Variants in PRICKLE1 observed in about 807,000 individuals in gnomAD.
PRICKLE1 encodes the protein prickle-like protein 1.
In PRICKLE1, 14 loss-of-function variants were observed where a neutral mutation model predicts 70.2. That is an observed-to-expected ratio of 0.20 (90% CI 0.13 to 0.31). PRICKLE1 has a LOEUF of 0.31. Ranked by LOEUF, PRICKLE1 falls within the 10% of genes least tolerant of loss-of-function variation. PRICKLE1 has a pLI of 1.00. For missense variants in PRICKLE1, 821 were observed against 1,026.2 expected (o/e 0.80, Z 2.73); for synonymous variants, 357 against 379.9 (o/e 0.94, Z 0.70).
intron 6 of PRICKLE1, chr12:42,465,822 G>A (rs534641755): frequency 5.6e-6 from 2 of 356,934 alleles, no homozygotes; most frequent in Non-Finnish European, 5.3e-6. Context: ...CATCAACAAT[G>A]TACATTCAAT....
intron 1 of PRICKLE1, among the ~76,000 whole-genome samples, chr12:42,518,693 C>G (rs1293515976): frequency 2.0e-5 from 3 of 152,120 alleles, no homozygotes; most frequent in Non-Finnish European, 4.4e-5. Flanking sequence ...GAAATTTAAT[C>G]CCATTGTAAT....
chr12:42,558,125 T>G (rs1940443093), intron 1 of PRICKLE1, among the ~76,000 whole-genome samples: 1 of 152,212 alleles, frequency 6.6e-6, no homozygotes, highest in African/African-American at 2.4e-5. Flanking sequence ...GTTTCAATAT[T>G]GTTTAACCAC....
chr12:42,544,218 A>C (rs1360093449), intron 1 of PRICKLE1, among the ~76,000 whole-genome samples: 1 of 152,152 alleles, frequency 6.6e-6, no homozygotes, highest in African/African-American at 2.4e-5. Flanking sequence ...CTATTTACAA[A>C]TTTACGAGTG....
At chr12:42,549,132 A>G (rs893202758) in intron 1 of PRICKLE1, among the ~76,000 whole-genome samples, 1 of 133,306 alleles carries the variant, frequency 7.5e-6, no homozygotes, top group Non-Finnish European at 1.8e-5. Flanking sequence ...AAAAAAAAAA[A>G]AAAAAAAAAA....
intron 1 of PRICKLE1, among the ~76,000 whole-genome samples, chr12:42,569,161 A>C (rs75422269): frequency 6.6e-6 from 1 of 152,160 alleles, no homozygotes; most frequent in African/African-American, 2.4e-5. Context: ...TAGCTGTTAC[A>C]TCCTGAAACA....
chr12:42,466,249 A>G lies in PRICKLE1; in HGVS notation c.720T>C (p.Cys240=), dbSNP rs374695088. 6.8e-6 allele frequency: 11 copies of G among 1,614,116 alleles called. No homozygotes were observed. Among genetic ancestry groups the G allele is most frequent in the Middle Eastern group, 1.6e-4 (1 of 6,084 alleles). The stretch of plus-strand genomic sequence containing the variant: ...CCGCATAGAGAGACTCAAAACAGCC[A>G]CAGCAGAAGGGGCGGCCGTCCTTCA... ...YIMKDGRPFC[C]GCFESLYAEY... Residue 240 remains cysteine (C), a synonymous_variant, in exon 6 of 8, where the codon TGT becomes TGC. Transcript: ENST00000345127.
chr12:42,534,929 C>T (rs913190886), intron 1 of PRICKLE1, among the ~76,000 whole-genome samples: 1 of 152,186 alleles, frequency 6.6e-6, no homozygotes, highest in African/African-American at 2.4e-5. Context: ...TGGTTTTTGA[C>T]TTCCTGACAT....
In PRICKLE1 at chr12:42,457,400, T is replaced by TAA. The variant is rs892263269; in HGVS notation, c.*2407_*2408dup. ...AGCAACATATTGCAACAGTCTTTTC[T>TAA]AAAAGGATGCCCACTTGTGGCAGCA... On this transcript the variant is annotated 3_prime_UTR_variant, in exon 8 of 8. Coordinates refer to ENST00000345127, the MANE Select transcript of PRICKLE1 (RefSeq NM_153026.3). The TAA allele has an allele frequency of 1.7e-4, 26 of 152,342 alleles. No individual in the cohort carries two copies. The highest frequency in any genetic ancestry group is 6.0e-4 in the African/African-American group (25 of 41,584). The allele number at this position is 152,342 out of a possible 1,614,324, so 9.4% of individuals were successfully genotyped here. A position where few individuals can be genotyped will look rare whatever the true frequency, so the allele number is the denominator to read the frequency against.
chr12:42,497,031 C>G (rs1258149817), intron 1 of PRICKLE1, among the ~76,000 whole-genome samples: 1 of 152,216 alleles, frequency 6.6e-6, no homozygotes, highest in Non-Finnish European at 1.5e-5. Context: ...TTTGGCCTCT[C>G]TCAGCTTTTA....
chr12:42,468,724 G>C lies in PRICKLE1; in HGVS notation c.490C>G (p.Leu164Val), dbSNP rs746462801. The C allele has an allele frequency of 6.2e-7, 1 of 1,614,112 alleles. No individual in the cohort carries two copies. Among genetic ancestry groups the C allele is most frequent in the Non-Finnish European group, 8.5e-7 (1 of 1,180,028 alleles). Residue 164 changes from leucine to valine, a missense_variant, in exon 5 of 8, where the codon CTG becomes GTG. By Grantham distance (32) the Leu-to-Val change is conservative (BLOSUM62 1). Transcript: ENST00000345127. ...TAAAAATAGATGAGGTCGACCAGCA[G>C]CTCATTACACGTGAAACAGACAAAA... ...SCFVCFTCNE[L>V]LVDLIYFYQD...
intron 1 of PRICKLE1, among the ~76,000 whole-genome samples, chr12:42,476,789 G>A (rs1470885757): frequency 9.2e-5 from 14 of 151,500 alleles, no homozygotes; most frequent in African/African-American, 3.4e-4. Context: ...GTGGGACCAC[G>A]GGCATGTGCC....
At chr12:42,502,241 A>C (rs1175593660) in intron 1 of PRICKLE1, among the ~76,000 whole-genome samples, 1 of 150,622 alleles carries the variant, frequency 6.6e-6, no homozygotes, top group East Asian at 1.9e-4. Context: ...ATACCTCTAT[A>C]TATATACACA....
At chr12:42,494,884 G>A (rs1271219008) in intron 1 of PRICKLE1, among the ~76,000 whole-genome samples, 1 of 149,420 alleles carries the variant, frequency 6.7e-6, no homozygotes, top group East Asian at 2.0e-4. Flanking sequence ...CACATCTTCA[G>A]GTTTACTTTT....
chr12:42,459,294 A>G lies in PRICKLE1; in HGVS notation c.*515T>C. 1.4e-6 allele frequency: 1 copy of G among 702,240 alleles called. No homozygotes were observed. The highest frequency in any genetic ancestry group is 2.6e-6 in the Non-Finnish European group (1 of 384,930). 43.5% of individuals were successfully genotyped at this position (702,240 alleles called of 1,614,324 possible). A position where few individuals can be genotyped will look rare whatever the true frequency, so the allele number is the denominator to read the frequency against. The stretch of plus-strand genomic sequence containing the variant: ...AATCTGTAGCTGGCGCTGATACAAT[A>G]CAATGTTTACCTGGCCAAAGAGGGT... On this transcript the variant is annotated 3_prime_UTR_variant, in exon 8 of 8. Coordinates refer to ENST00000345127, the MANE Select transcript of PRICKLE1 (RefSeq NM_153026.3).
intron 1 of PRICKLE1, among the ~76,000 whole-genome samples, chr12:42,552,056 T>C (rs1940326085): frequency 9.4e-6 from 1 of 106,740 alleles, no homozygotes; most frequent in Non-Finnish European, 1.9e-5. Flanking sequence ...TTCAAGAAAG[T>C]TACTTTTTTT....
intron 1 of PRICKLE1, among the ~76,000 whole-genome samples, chr12:42,513,319 C>G (rs1395070891): frequency 6.6e-6 from 1 of 152,154 alleles, no homozygotes; most frequent in Non-Finnish European, 1.5e-5. Context: ...AATGCAAGCT[C>G]TACATAGGTA....
Position 42,472,412 on chromosome 12 carries a change from C to T in PRICKLE1, c.105G>A (p.Trp35Ter). The change falls in exon 2 of 8, where the codon TGG (tryptophan) becomes TGA (stop). Residue 35 changes from tryptophan (W) to a stop codon, truncating the protein, a stop_gained. Transcript: ENST00000345127. LOFTEE classifies it high-confidence loss of function. ...GCTCTGGTCTCAGGCCCGGGGGGAC[C>T]CAGGCGTACTCCTCCAATGCACAGC... ...DSGCALEEYA[W>*]VPPGLRPEQI... 6.2e-7 allele frequency: 1 copy of T among 1,614,024 alleles called. No homozygotes were observed. The highest frequency in any genetic ancestry group is 8.5e-7 in the Non-Finnish European group (1 of 1,180,000).
At chr12:42,498,199 G>T (rs1191359213) in intron 1 of PRICKLE1, among the ~76,000 whole-genome samples, 1 of 147,652 alleles carries the variant, frequency 6.8e-6, no homozygotes, top group East Asian at 2.0e-4. Context: ...TGGAGACAGG[G>T]TCTTGCTCTG....
At chr12:42,479,202 C>T (rs975699346) in intron 1 of PRICKLE1, among the ~76,000 whole-genome samples, 3 of 152,232 alleles carry the variant, frequency 2.0e-5, no homozygotes, top group African/African-American at 7.2e-5. Context: ...TTGAAGCTAA[C>T]CAGTGACAAA....
Sources: gnomAD v4.1 joint callset for allele counts (sites outside exome capture counted in the v4.1 genomes callset) on GRCh38, gnomAD v4.1.1 for gene constraint, MANE v1.5 for transcripts, NCBI Gene and HGNC (gene_info 2026-07-23, HGNC 2026-07-21) for gene names.